LAMA2: variants seen among roughly 807,000 people sequenced by gnomAD.
LAMA2 encodes the protein laminin subunit alpha-2.
LAMA2 carries 269 observed loss-of-function variants against 364.8 expected under a neutral mutation model. That is an observed-to-expected ratio of 0.74 (90% CI 0.67 to 0.82). LAMA2 has a LOEUF of 0.82. Ranked by LOEUF, LAMA2 falls within the 40% of genes least tolerant of loss-of-function variation. The pLI, the probability that LAMA2 is intolerant of heterozygous loss-of-function variation, is 0.00. For synonymous variants in LAMA2, 1,379 were observed against 1,370.6 expected (o/e 1.01, Z -0.14); for missense variants, 3,807 against 3,873.2 (o/e 0.98, Z 0.45).
At position 129,315,863 on chromosome 6, in the gene LAMA2, G is replaced by T. The variant is rs776801918; in HGVS notation, c.3837G>T (p.Gly1279=). ...ATCCTCAAGTGATCATTCGAGGTGG[G>T]ACACCTACTCATGCTAGAATTATCG... The part of the protein sequence containing the change: ...TYNPQVIIRG[G]TPTHARIIVR... Residue 1279 remains glycine (G), a synonymous_variant, in exon 26 of 65, where the codon GGG becomes GGT. Coordinates refer to ENST00000421865, the MANE Select transcript of LAMA2 (RefSeq NM_000426.4). 2.5e-6 allele frequency: 4 copies of T among 1,613,818 alleles called. No homozygotes were observed.
intron 13 of LAMA2, 37 bp downstream of exon 13, chr6:129,250,250 C>A: frequency 8.1e-7 from 1 of 1,236,632 alleles, no homozygotes; most frequent in Non-Finnish European, 1.2e-6. Context: ...GTGTTACTTC[C>A]TGATGTTACT....
At chr6:129,292,532 ATGT>A (rs1222840551) in intron 20 of LAMA2, among the ~76,000 whole-genome samples, 20 of 152,306 alleles carry the variant, frequency 1.3e-4, no homozygotes, top group Middle Eastern at 6.8e-3. Context: ...AAAATACAGC[ATGT>A]TGTTCTCAGT....
At chr6:129,048,515 TCC>T (rs1787734118) in intron 1 of LAMA2, among the ~76,000 whole-genome samples, 1 of 45,482 alleles carries the variant, frequency 2.2e-5, no homozygotes, top group African/African-American at 7.9e-5. Flanking sequence ...CTTCCTTCCT[TCC>T]TTCCTTCCTT....
At chr6:129,055,524 T>G (rs1463430576) in intron 2 of LAMA2, among the ~76,000 whole-genome samples, 1 of 152,098 alleles carries the variant, frequency 6.6e-6, no homozygotes, top group Non-Finnish European at 1.5e-5. Flanking sequence ...ACCAGATTCA[T>G]TCCACATTTC....
At chr6:129,348,083 C>A (rs1270573848) in intron 30 of LAMA2, among the ~76,000 whole-genome samples, 1 of 152,146 alleles carries the variant, frequency 6.6e-6, no homozygotes, top group African/African-American at 2.4e-5. Flanking sequence ...TGCACAGATG[C>A]AGTCAGTATC....
intron 8 of LAMA2, among the ~76,000 whole-genome samples, chr6:129,164,022 A>G (rs1447161544): frequency 6.6e-6 from 1 of 152,032 alleles, no homozygotes; most frequent in African/African-American, 2.4e-5. Flanking sequence ...TGCTTTTATC[A>G]ACTTCTTTTT....
At chr6:129,222,694 A>T (rs187244348) in intron 12 of LAMA2, among the ~76,000 whole-genome samples, 1 of 152,226 alleles carries the variant, frequency 6.6e-6, no homozygotes, top group East Asian at 1.9e-4. Flanking sequence ...ATGGCTGCAT[A>T]GTATTCCATG....
intron 29 of LAMA2, among the ~76,000 whole-genome samples, chr6:129,336,427 C>T (rs1386268681): frequency 6.6e-6 from 1 of 152,206 alleles, no homozygotes; most frequent in African/African-American, 2.4e-5. Flanking sequence ...CAATGTGATA[C>T]ATCATATCTC....
intron 2 of LAMA2, among the ~76,000 whole-genome samples, chr6:129,052,870 T>TA (rs1788183386): frequency 6.6e-6 from 1 of 152,170 alleles, no homozygotes; most frequent in African/African-American, 2.4e-5. Context: ...TGGAGCTGGT[T>TA]AAAGAGAGGC....
At chr6:129,465,475 C>T (rs996452383) in intron 51 of LAMA2, among the ~76,000 whole-genome samples, 186 bp downstream of exon 51, 1 of 151,818 alleles carries the variant, frequency 6.6e-6, no homozygotes, top group Non-Finnish European at 1.5e-5. Context: ...GATTGAAGAG[C>T]CAAATGCTTC....
At chr6:129,021,938 G>A (rs1418386001) in intron 1 of LAMA2, among the ~76,000 whole-genome samples, 1 of 152,228 alleles carries the variant, frequency 6.6e-6, no homozygotes, top group Non-Finnish European at 1.5e-5. Context: ...TGGACCAAAA[G>A]TAGGCCACAA....
chr6:128,889,606 A>T (rs1053701567), intron 1 of LAMA2, among the ~76,000 whole-genome samples: 4 of 151,444 alleles, frequency 2.6e-5, no homozygotes, highest in African/African-American at 9.7e-5. Context: ...CTTTTCCCTT[A>T]GTATTCTTCC....
At chr6:129,428,284 T>C (rs892624983) in intron 41 of LAMA2, among the ~76,000 whole-genome samples, 4 of 151,890 alleles carry the variant, frequency 2.6e-5, no homozygotes, top group Non-Finnish European at 4.4e-5. Context: ...TTTTTAAAAA[T>C]TTAGTCAGGT....
intron 9 of LAMA2, among the ~76,000 whole-genome samples, chr6:129,176,337 A>G (rs1301164728): frequency 6.6e-6 from 1 of 151,948 alleles, no homozygotes; most frequent in Non-Finnish European, 1.5e-5. Context: ...ATTTATGTTA[A>G]GAAAATAAGC....
intron 1 of LAMA2, among the ~76,000 whole-genome samples, chr6:129,022,494 A>G (rs1785508078): frequency 6.6e-6 from 1 of 152,096 alleles, no homozygotes; most frequent in South Asian, 2.1e-4. Flanking sequence ...TCAGTTGCAA[A>G]ATTTTCTTGG....
chr6:129,050,539 A>AC (rs758123014), intron 2 of LAMA2, among the ~76,000 whole-genome samples: 4 of 152,226 alleles, frequency 2.6e-5, no homozygotes, highest in Non-Finnish European at 4.4e-5. Context: ...GAGGATGGCC[A>AC]CAAAGGCTTG....
intron 4 of LAMA2, among the ~76,000 whole-genome samples, chr6:129,103,291 A>T (rs1775620023): frequency 6.6e-6 from 1 of 152,138 alleles, no homozygotes; most frequent in African/African-American, 2.4e-5. Context: ...CATGCATTTA[A>T]TTTTTTTTAT....
At chr6:129,037,546 CAT>C (rs755924221) in intron 1 of LAMA2, among the ~76,000 whole-genome samples, 4 of 152,094 alleles carry the variant, frequency 2.6e-5, no homozygotes, top group Non-Finnish European at 5.9e-5. Context: ...AATACATACA[CAT>C]GTGTGTGTAT....
intron 1 of LAMA2, among the ~76,000 whole-genome samples, chr6:128,916,413 T>C (rs985641966): frequency 2.0e-5 from 3 of 152,144 alleles, no homozygotes; most frequent in Non-Finnish European, 4.4e-5. Flanking sequence ...TTTTAGCAAC[T>C]GAAACAACTG....
Sources: allele counts gnomAD v4.1 joint callset (sites outside exome capture counted in the v4.1 genomes callset), GRCh38; gene constraint gnomAD v4.1.1; transcripts MANE v1.5; gene names NCBI Gene and HGNC (gene_info 2026-07-23, HGNC 2026-07-21).